Variants in GNAO1 observed in about 807,000 individuals in gnomAD.
GNAO1 encodes the protein G protein subunit alpha o1.
For missense variants in GNAO1, 166 were observed against 478.7 expected (o/e 0.35, Z 6.10); for synonymous variants, 164 against 180.7 (o/e 0.91, Z 0.74).
chr16:56,356,641 A>G lies in GNAO1; in HGVS notation c.*567A>G, dbSNP rs1366603535. The G allele has an allele frequency of 6.5e-6, 1 of 152,824 alleles. No individual in the cohort carries two copies. Among genetic ancestry groups the G allele is most frequent in the East Asian group, 1.9e-4 (1 of 5,206 alleles). 9.5% of individuals were successfully genotyped at this position (152,824 alleles called of 1,614,324 possible). A position where few individuals can be genotyped will look rare whatever the true frequency, so the allele number is the denominator to read the frequency against. On this transcript the variant is annotated 3_prime_UTR_variant, in exon 9 of 9. Coordinates refer to ENST00000262493, the MANE Select transcript of GNAO1 (RefSeq NM_020988.3). Reference sequence around the variant, plus strand: ...CACGCTCACTCCAGGTTCGTATAGAAAAAGCACAGCTCTCACTGGCCAGTA... The same window carrying G: ...CACGCTCACTCCAGGTTCGTATAGAGAAAGCACAGCTCTCACTGGCCAGTA...
intron 3 of GNAO1, among the ~76,000 whole-genome samples, chr16:56,295,497 T>C (rs1485426733): frequency 1.3e-5 from 2 of 152,162 alleles, no homozygotes; most frequent in African/African-American, 2.4e-5. Context: ...TAAGGCACGC[T>C]AGCACCCCAG....
intron 3 of GNAO1, among the ~76,000 whole-genome samples, chr16:56,310,170 AAG>A (rs1238917908): frequency 2.5e-4 from 38 of 152,072 alleles, no homozygotes; most frequent in African/African-American, 8.9e-4. Flanking sequence ...AGAAAAAAAA[AAG>A]AAAAAATCAG....
intron 2 of GNAO1, among the ~76,000 whole-genome samples, chr16:56,245,084 T>C (rs1282365745): frequency 6.6e-6 from 1 of 152,124 alleles, no homozygotes; most frequent in Non-Finnish European, 1.5e-5. Flanking sequence ...ACTAGAGTCT[T>C]AGGATAGCTG....
chr16:56,268,109 A>G (rs1421332794), intron 2 of GNAO1, among the ~76,000 whole-genome samples: 5 of 152,174 alleles, frequency 3.3e-5, no homozygotes, highest in South Asian at 2.1e-4. Context: ...CACAAACTAA[A>G]TGTGCCTGTA....
intron 4 of GNAO1, among the ~76,000 whole-genome samples, chr16:56,333,001 G>C (rs1476253063): frequency 6.6e-6 from 1 of 152,162 alleles, no homozygotes; most frequent in Non-Finnish European, 1.5e-5. Flanking sequence ...GGCGTGTACA[G>C]GTCTGCTCTG....
chr16:56,333,164 A>C (rs184731461), intron 4 of GNAO1, among the ~76,000 whole-genome samples: 6 of 151,642 alleles, frequency 4.0e-5, no homozygotes. Flanking sequence ...GTCTGGAGCC[A>C]GTCAGAACTG....
At chr16:56,240,098 A>G (rs563644148) in intron 2 of GNAO1, among the ~76,000 whole-genome samples, 25 of 152,302 alleles carry the variant, frequency 1.6e-4, no homozygotes, top group African/African-American at 4.8e-4. Context: ...CCCTGGATTT[A>G]GGGTGGGGAC....
intron 2 of GNAO1, among the ~76,000 whole-genome samples, chr16:56,255,828 A>G (rs768810310): frequency 3.3e-5 from 5 of 152,090 alleles, no homozygotes; most frequent in African/African-American, 4.8e-5. Flanking sequence ...TTATATATCT[A>G]TATTTTTACT....
At chr16:56,319,748 G>T (rs979887103) in intron 3 of GNAO1, among the ~76,000 whole-genome samples, 4 of 152,122 alleles carry the variant, frequency 2.6e-5, no homozygotes, top group Non-Finnish European at 5.9e-5. Context: ...CTGCTCCCCA[G>T]CAACAGCCCA....
intron 2 of GNAO1, among the ~76,000 whole-genome samples, chr16:56,267,769 T>C (rs528630734): frequency 6.6e-6 from 1 of 152,286 alleles, no homozygotes; most frequent in East Asian, 1.9e-4. Context: ...GGGCAGGGAT[T>C]GTGTCTGTCG....
At chr16:56,349,181 C>T (rs888128135) in intron 6 of GNAO1, among the ~76,000 whole-genome samples, 3 of 152,200 alleles carry the variant, frequency 2.0e-5, no homozygotes, top group African/African-American at 2.4e-5. Flanking sequence ...CTCCTCCACA[C>T]CTAAGCTCAG....
Position 56,354,430 on chromosome 16 carries a change from C to T in GNAO1, c.878-436C>T, listed in dbSNP as rs1457583331. 2.6e-5 allele frequency among the ~76,000 whole-genome samples: 4 copies of T among 152,184 alleles called. No homozygotes were observed. The highest frequency in any genetic ancestry group is 6.5e-5 in the Admixed American group (1 of 15,282). On this transcript the variant is annotated intron_variant, in intron 7 of 8. Transcript: ENST00000262493. The surrounding 1 kb of genome is among the most constrained non-coding windows in gnomAD (Gnocchi z 4.3). ...GTGGCTCACGTCTGTAATCCCAGCACTTTGGGAGGCCGAGGCAGGTGGATC... is the reference window on the plus strand; with the variant it reads ...GTGGCTCACGTCTGTAATCCCAGCATTTTGGGAGGCCGAGGCAGGTGGATC...
At chr16:56,347,742 T>G in intron 6 of GNAO1, 6 of 982,190 alleles carry the variant, frequency 6.1e-6, no homozygotes, top group Non-Finnish European at 7.2e-6. Context: ...GAGGCACCAC[T>G]ACTGTCCTCC....
At chr16:56,271,726 T>C (rs2037019845) in intron 2 of GNAO1, among the ~76,000 whole-genome samples, 1 of 152,226 alleles carries the variant, frequency 6.6e-6, no homozygotes, top group Non-Finnish European at 1.5e-5. Context: ...GTGCTGGGAT[T>C]ACAGGCATGA....
At chr16:56,217,480 C>A (rs2036446312) in intron 2 of GNAO1, among the ~76,000 whole-genome samples, 1 of 152,184 alleles carries the variant, frequency 6.6e-6, no homozygotes, top group Non-Finnish European at 1.5e-5. Context: ...ATAGTGGATT[C>A]TTTGCTGCCT....
intron 2 of GNAO1, among the ~76,000 whole-genome samples, chr16:56,202,316 C>G (rs1207308391): frequency 6.6e-6 from 1 of 152,096 alleles, no homozygotes; most frequent in Admixed American, 6.6e-5. Context: ...GGAGAAAAGC[C>G]AAATTGCAGT....
chr16:56,235,346 A>C, intron 2 of GNAO1: 1 of 456,090 alleles, frequency 2.2e-6, no homozygotes, highest in South Asian at 1.5e-5. Context: ...CAGCCCATCA[A>C]CAGATGAAGA....
chr16:56,291,498 G>A (rs1382786518), intron 3 of GNAO1, among the ~76,000 whole-genome samples: 3 of 152,104 alleles, frequency 2.0e-5, no homozygotes, highest in South Asian at 2.1e-4. Context: ...TTCTGGATAC[G>A]AGTCCTTTAT....
intron 2 of GNAO1, among the ~76,000 whole-genome samples, chr16:56,268,170 T>G (rs2036977530): frequency 6.6e-6 from 1 of 152,314 alleles, no homozygotes; most frequent in Non-Finnish European, 1.5e-5. Flanking sequence ...AAAATGACTA[T>G]TTCTGTGTGG....
Sources: allele counts gnomAD v4.1 joint callset (sites outside exome capture counted in the v4.1 genomes callset), GRCh38; gene constraint gnomAD v4.1.1; non-coding constraint Gnocchi (gnomAD v3.1); transcripts MANE v1.5; gene names NCBI Gene and HGNC (gene_info 2026-07-23, HGNC 2026-07-21).